The following SLC25A38 variants were observed in gnomAD, a reference collection of about 807,000 sequenced individuals.
SLC25A38 encodes solute carrier family 25 member 38, also known as mitochondrial glycine transporter.
In SLC25A38, 27 loss-of-function variants were observed where a neutral mutation model predicts 33.4. The observed-to-expected ratio is 0.81, with a 90% CI of 0.60 to 1.11. The LOEUF (loss-of-function observed/expected upper bound fraction) is 1.11. Among genes scored for constraint, SLC25A38 ranks in the 50% most tolerant of loss-of-function variants. The pLI is 0.00. For synonymous variants in SLC25A38, 123 were observed against 145.9 expected (o/e 0.84, Z 1.13); for missense variants, 344 against 388.8 (o/e 0.88, Z 0.97).
chr3:39,391,108 G>C (rs773269241), intron 3 of SLC25A38, among the ~76,000 whole-genome samples: 1 of 152,196 alleles, frequency 6.6e-6, no homozygotes, highest in Non-Finnish European at 1.5e-5. Context: ...AACCCACAGA[G>C]TCCTCAACCA....
Position 39,383,602 on chromosome 3 carries a change from C to A in SLC25A38, c.-123C>A. ...TTATAGGCGCAGACGTCAGAGAGCC[C>A]GCGGCTTAAAGCGCGTCGCCTGGCT... On this transcript the variant is annotated 5_prime_UTR_variant, in exon 1 of 7. Coordinates refer to ENST00000650617, the MANE Select transcript of SLC25A38 (RefSeq NM_017875.4). The A allele has an allele frequency of 8.9e-7, 1 of 1,122,492 alleles. No homozygotes were observed. The highest frequency in any genetic ancestry group is 2.0e-5 in the Admixed American group (1 of 49,436). 69.5% of individuals were successfully genotyped at this position (1,122,492 alleles called of 1,614,324 possible).
At chr3:39,394,157 C>T (rs1249735555) in intron 5 of SLC25A38, among the ~76,000 whole-genome samples, 3 of 152,092 alleles carry the variant, frequency 2.0e-5, no homozygotes, top group Non-Finnish European at 4.4e-5. Context: ...TTTCTTTTTC[C>T]CACATGTTTT....
chr3:39,384,749 G>A (rs1003184175), intron 1 of SLC25A38: 3 of 395,064 alleles, frequency 7.6e-6, no homozygotes, highest in African/African-American at 2.1e-5. Flanking sequence ...CCCTTAAAAA[G>A]AAACTACTTT....
intron 3 of SLC25A38, among the ~76,000 whole-genome samples, 194 bp downstream of exon 3, chr3:39,390,701 A>C (rs953216358): frequency 6.6e-6 from 1 of 152,232 alleles, no homozygotes; most frequent in African/African-American, 2.4e-5. Flanking sequence ...CATTATGCTT[A>C]GATGTGATTT....
chr3:39,392,378 G>A (rs2041781828), intron 5 of SLC25A38, among the ~76,000 whole-genome samples: 1 of 152,096 alleles, frequency 6.6e-6, no homozygotes, highest in Non-Finnish European at 1.5e-5. Context: ...AGAAACCTTG[G>A]GGTACAACCT....
intron 1 of SLC25A38, chr3:39,384,675 A>C (rs772656775): frequency 8.0e-5 from 32 of 397,900 alleles, no homozygotes; most frequent in Non-Finnish European, 1.4e-4. Context: ...TTGTGGATCC[A>C]GTTTGTACTC....
In SLC25A38 at chr3:39,391,853, A is replaced by G; in HGVS notation, c.457A>G (p.Ser153Gly). ...CACTGGTTCTGTGCTCTCTTTGCAG[A>G]GTGGGAAATATGGCTATGAGAGTAT... ...PITVIKTRYESGKYGYESIYA... is the reference protein window; with the variant it reads ...PITVIKTRYEGGKYGYESIYA... Residue 153 changes from serine (S) to glycine (G), a missense_variant and splice_region_variant, in exon 5 of 7, where the codon AGT becomes GGT. Transcript: ENST00000650617. 2 of 1,613,260 alleles carry G rather than the reference A, an allele frequency of 1.2e-6. No individual in the cohort carries two copies. Among genetic ancestry groups the G allele is most frequent in the Non-Finnish European group, 1.7e-6 (2 of 1,179,934 alleles).
intron 5 of SLC25A38, among the ~76,000 whole-genome samples, chr3:39,393,356 ATG>A (rs1351494767): frequency 6.6e-6 from 1 of 152,146 alleles, no homozygotes; most frequent in Non-Finnish European, 1.5e-5. Context: ...GAATAGTACA[ATG>A]TACATATTTT....
At chr3:39,386,671 G>T (rs11915750) in intron 1 of SLC25A38, among the ~76,000 whole-genome samples, 1 of 152,304 alleles carries the variant, frequency 6.6e-6, no homozygotes, top group East Asian at 1.9e-4. Flanking sequence ...ATTGGTGGCC[G>T]TCACCAAGGC....
At chr3:39,395,487 G>A (rs530895159) in intron 6 of SLC25A38, among the ~76,000 whole-genome samples, 1 of 152,132 alleles carries the variant, frequency 6.6e-6, no homozygotes, top group East Asian at 1.9e-4. Context: ...AACATGTATT[G>A]TTATCACAAA....
chr3:39,383,442 AGGGCAGGAT>A lies in SLC25A38; in HGVS notation c.-274_-266del, dbSNP rs1246822712. ...CTCCTACGGTGCTGAAGCCTGCAGCAGGGCAGGATGGGCAGGAGAGCAGAGCCGCGGAGT... is the reference window on the plus strand; with the variant it reads ...CTCCTACGGTGCTGAAGCCTGCAGCAGGGCAGGAGAGCAGAGCCGCGGAGT... On this transcript the variant is annotated 5_prime_UTR_variant, in exon 1 of 7. The change abolishes an upstream ATG in the 5' untranslated region. Coordinates refer to ENST00000650617, the MANE Select transcript of SLC25A38 (RefSeq NM_017875.4). 2 of 492,890 alleles carry A rather than the reference AGGGCAGGAT, an allele frequency of 4.1e-6. No homozygotes were observed. The highest frequency in any genetic ancestry group is 7.4e-6 in the Non-Finnish European group (2 of 269,896). 30.5% of individuals were successfully genotyped at this position (492,890 alleles called of 1,614,324 possible).
chr3:39,386,356 A>G (rs2041708004), intron 1 of SLC25A38, among the ~76,000 whole-genome samples: 1 of 152,196 alleles, frequency 6.6e-6, no homozygotes. Context: ...AGAGGTGAGC[A>G]GATTGCTTGA....
chr3:39,389,696 T>G lies in SLC25A38; in HGVS notation c.191+80T>G. On this transcript the variant is annotated intron_variant, in intron 2 of 6. Transcript: ENST00000650617. The surrounding 1 kb of genome is among the most constrained non-coding windows in gnomAD (Gnocchi z 4.5). ...ACATCTTTACTGTGTTAAGTCAACT[T>G]CCATTCTGTTGGATGTTCAGAGAGA... 1 of 1,609,180 alleles carries G rather than the reference T, an allele frequency of 6.2e-7. No homozygotes were observed. Among genetic ancestry groups the G allele is most frequent in the Non-Finnish European group, 8.5e-7 (1 of 1,176,306 alleles).
chr3:39,390,271 C>T (rs574559889), intron 2 of SLC25A38, 152 bp from the exon 3 acceptor site: 120 of 793,920 alleles, frequency 1.5e-4, no homozygotes, highest in Admixed American at 4.2e-4. Flanking sequence ...TGCCAACCTA[C>T]GAACACATAG....
intron 1 of SLC25A38, among the ~76,000 whole-genome samples, chr3:39,387,524 C>T (rs1298535169): frequency 6.6e-6 from 1 of 152,146 alleles, no homozygotes; most frequent in Non-Finnish European, 1.5e-5. Context: ...CTGAGGTTTC[C>T]AACCTGGATT....
intron 1 of SLC25A38, among the ~76,000 whole-genome samples, chr3:39,388,859 T>C (rs1315315886): frequency 6.6e-6 from 1 of 152,138 alleles, no homozygotes; most frequent in Admixed American, 6.5e-5. Context: ...GTGGTGTCTG[T>C]AGATTAGCCA....
At chr3:39,391,050 C>A (rs1334836139) in intron 3 of SLC25A38, among the ~76,000 whole-genome samples, 2 of 152,184 alleles carry the variant, frequency 1.3e-5, no homozygotes, top group Non-Finnish European at 2.9e-5. Flanking sequence ...AGCAAGGAGA[C>A]CACAGAAGTG....
At chr3:39,395,410 TAA>T (rs11335930) in intron 6 of SLC25A38, among the ~76,000 whole-genome samples, 1 of 150,306 alleles carries the variant, frequency 6.7e-6, no homozygotes. Context: ...TTATTTAAAT[TAA>T]AAAAAAAATA....
chr3:39,388,537 A>G (rs769743988), intron 1 of SLC25A38: 54 of 152,348 alleles, frequency 3.5e-4, no homozygotes, highest in Admixed American at 1.1e-3. Flanking sequence ...TAGGGCCACA[A>G]TGTGTCATTT....
Sources: gnomAD v4.1 joint callset for allele counts (sites outside exome capture counted in the v4.1 genomes callset) on GRCh38, gnomAD v4.1.1 for gene constraint, Gnocchi (gnomAD v3.1) non-coding constraint, MANE v1.5 for transcripts, NCBI Gene and HGNC (gene_info 2026-07-23, HGNC 2026-07-21) for gene names.